The following EMSY variants were observed in gnomAD, a reference collection of about 807,000 sequenced individuals.
EMSY encodes EMSY transcriptional repressor, BRCA2 interacting, also known as BRCA2-interacting transcriptional repressor EMSY.
In EMSY, 26 loss-of-function variants were observed where a neutral mutation model predicts 134.6. The ratio of observed to expected loss-of-function variants is 0.19; its 90% CI spans 0.14 to 0.27. EMSY has a LOEUF of 0.27. Among genes scored for constraint, EMSY ranks in the 10% least tolerant of loss-of-function variants. The pLI is 1.00. For synonymous variants in EMSY, 579 were observed against 577.8 expected, an observed-to-expected ratio of 1.00 and a Z score of -0.03; for missense variants, 1,305 against 1,611.4, an observed-to-expected ratio of 0.81 and a Z score of 3.26.
chr11:76,544,252 T>A lies in EMSY; in HGVS notation c.2710-7T>A. 6.3e-7 allele frequency: 1 copy of A among 1,591,452 alleles called. No individual in the cohort carries two copies. Among genetic ancestry groups the A allele is most frequent in the African/African-American group, 1.4e-5 (1 of 74,064 alleles). ...TTTCATTCTTACTTTGTGCCTTTTT[T>A]ACTTAGGCATTAAGCAGTCACACTG... is the stretch of plus-strand genomic sequence containing the variant. On this transcript the variant is annotated splice_region_variant and splice_polypyrimidine_tract_variant and intron_variant, in intron 18 of 20. Transcript: ENST00000334736.
exon 12 of EMSY, chr11:76,523,255 G>A (rs1054503252): frequency 3.1e-6 from 5 of 1,613,158 alleles, no homozygotes; most frequent in African/African-American, 2.7e-5. Context: ...AAGGCCTCCC[G>A]GGCAAAAATG....
In EMSY at chr11:76,546,935, C is replaced by T. The variant is rs769480869; in HGVS notation, c.3774+638C>T. On this transcript the variant is annotated intron_variant, in intron 20 of 20. Coordinates refer to ENST00000334736, the Ensembl canonical transcript of EMSY. ...GGTTTCTGTCATGCCTTGGTAAGTA[C>T]AGGCTAATTAACACAATAGAATTAT... is the stretch of plus-strand genomic sequence containing the variant. 59 of 349,898 alleles carry T rather than the reference C, an allele frequency of 1.7e-4. 1 individual carries two copies. Among genetic ancestry groups the T allele is most frequent in the Admixed American group, 4.6e-4 (12 of 25,928 alleles). The allele number at this position is 349,898 out of a possible 1,614,324, so 21.7% of individuals were successfully genotyped here.
intron 17 of EMSY, 104 bp downstream of exon 18, chr11:76,539,744 AG>A: frequency 9.0e-7 from 1 of 1,110,510 alleles, no homozygotes; most frequent in Non-Finnish European, 1.4e-6. Context: ...GGTAGAGGAA[AG>A]GTAAGCTCCA....
chr11:76,508,343 C>CTTT (rs35428460), intron 9 of EMSY, among the ~76,000 whole-genome samples: 1 of 147,242 alleles, frequency 6.8e-6, no homozygotes. Flanking sequence ...TGAAAGGAAT[C>CTTT]TTTTTTTTTT....
exon 5 of EMSY, chr11:76,458,226 C>T (rs867952943): frequency 6.2e-6 from 10 of 1,613,926 alleles, no homozygotes; most frequent in South Asian, 1.1e-5. Context: ...CATTGAAGGT[C>T]GTCGATTGGT....
At chr11:76,492,154 T>G (rs754866572) in intron 8 of EMSY, among the ~76,000 whole-genome samples, 10 of 152,186 alleles carry the variant, frequency 6.6e-5, no homozygotes, top group Non-Finnish European at 8.8e-5. Context: ...AGCTATTATG[T>G]TTTTATGTGT....
At chr11:76,546,326 T>G in intron 20 of EMSY, 29 bp downstream of exon 21, 6 of 1,581,842 alleles carry the variant, frequency 3.8e-6, no homozygotes, top group Non-Finnish European at 5.2e-6. Flanking sequence ...ATGAGAAATC[T>G]TGTGCATCTT....
intron 5 of EMSY, 88 bp downstream of exon 6, chr11:76,458,446 A>G (rs1442236932): frequency 1.2e-5 from 16 of 1,307,274 alleles, no homozygotes; most frequent in Non-Finnish European, 1.5e-5. Context: ...TTTTTCATCT[A>G]CTTTTATTCT....
intron 13 of EMSY, among the ~76,000 whole-genome samples, chr11:76,527,911 G>A (rs1429341369): frequency 6.6e-6 from 1 of 152,068 alleles, no homozygotes; most frequent in Non-Finnish European, 1.5e-5. Flanking sequence ...ATTCCACTGG[G>A]AATCTAGACT....
intron 6 of EMSY, among the ~76,000 whole-genome samples, chr11:76,461,725 C>T (rs535858836): frequency 6.7e-6 from 1 of 149,458 alleles, no homozygotes; most frequent in African/African-American, 2.5e-5. Flanking sequence ...TGAGGTCAGG[C>T]GTTCGAGACT....
intron 5 of EMSY, 141 bp downstream of exon 6, chr11:76,458,499 G>T: frequency 1.2e-6 from 1 of 836,390 alleles, no homozygotes; most frequent in Non-Finnish European, 1.7e-6. Flanking sequence ...CTCTAATTCT[G>T]AAATTAGACT....
intron 7 of EMSY, among the ~76,000 whole-genome samples, chr11:76,464,398 G>A (rs916288463): frequency 3.9e-5 from 6 of 152,136 alleles, no homozygotes; most frequent in Non-Finnish European, 8.8e-5. Context: ...ACCTATATTT[G>A]TATGACCTTC....
Position 76,480,505 on chromosome 11 carries a change from A to ATG in EMSY, c.1108+7665_1108+7666insTG, listed in dbSNP as rs746189784. The stretch of plus-strand genomic sequence containing the variant: ...TCTTCCAGTTGAAATTCTCCTCAAA[A>ATG]ATAATGTTTATGCCATGTACTTTCC... On this transcript the variant is annotated intron_variant, in intron 8 of 20. Transcript: ENST00000334736. 2.7e-3 allele frequency among the ~76,000 whole-genome samples: 413 copies of ATG among 152,268 alleles called. 1 individual carries two copies. Among genetic ancestry groups the ATG allele is most frequent in the African/African-American group, 9.1e-3 (379 of 41,550 alleles).
intron 12 of EMSY, among the ~76,000 whole-genome samples, chr11:76,523,639 T>A (rs770661477): frequency 5.3e-5 from 8 of 151,268 alleles, no homozygotes; most frequent in Non-Finnish European, 1.0e-4. Context: ...AGTATTTGGC[T>A]TAGGGTGGGC....
At chr11:76,453,229 C>T (rs1194149330) in intron 3 of EMSY, 85 bp from the exon 4 acceptor site, 1 of 1,286,340 alleles carries the variant, frequency 7.8e-7, no homozygotes. Flanking sequence ...CTTCTCCCCC[C>T]AAAAATGTTG....
At chr11:76,528,924 T>G (rs1950939372) in intron 14 of EMSY, among the ~76,000 whole-genome samples, 1 of 152,154 alleles carries the variant, frequency 6.6e-6, no homozygotes, top group Admixed American at 6.5e-5. Flanking sequence ...CATTCCAATT[T>G]GCATGGGACA....
chr11:76,522,429 G>A (rs1006038808), intron 11 of EMSY, among the ~76,000 whole-genome samples: 5 of 117,862 alleles, frequency 4.2e-5, no homozygotes, highest in Non-Finnish European at 4.9e-5. Context: ...GTGCAGTGGC[G>A]CAATCTCAGC....
intron 7 of EMSY, among the ~76,000 whole-genome samples, chr11:76,466,052 C>T (rs546382138): frequency 6.6e-6 from 1 of 152,244 alleles, no homozygotes; most frequent in East Asian, 1.9e-4. Context: ...GCTGGGTGGG[C>T]TCACCATTCA....
chr11:76,479,595 G>C (rs1027207014), intron 8 of EMSY, among the ~76,000 whole-genome samples: 3 of 152,172 alleles, frequency 2.0e-5, no homozygotes, highest in African/African-American at 7.2e-5. Context: ...TACCCCTGAG[G>C]GGTAATAGTG....
Sources: gnomAD v4.1 joint callset for allele counts (sites outside exome capture counted in the v4.1 genomes callset) on GRCh38, gnomAD v4.1.1 for gene constraint, MANE v1.5 for transcripts, NCBI Gene and HGNC (gene_info 2026-07-23, HGNC 2026-07-21) for gene names.